The following PDE6D variants were observed in gnomAD, a reference collection of about 807,000 sequenced individuals.
PDE6D encodes the protein retinal rod rhodopsin-sensitive cGMP 3',5'-cyclic phosphodiesterase subunit delta.
Under a neutral mutation model 21.9 loss-of-function variants are expected in PDE6D, and 10 were observed. The ratio of observed to expected loss-of-function variants is 0.46; its 90% CI spans 0.28 to 0.78. PDE6D has a LOEUF of 0.78. Among genes scored for constraint, PDE6D ranks in the 30% least tolerant of loss-of-function variants. The probability of loss-of-function intolerance (pLI) is 0.12; values close to 1 mark genes in which losing one functional copy is unlikely to be tolerated. For missense variants in PDE6D, 139 were observed against 184.8 expected (o/e 0.75, Z 1.44); for synonymous variants, 59 against 63.5 (o/e 0.93, Z 0.34).
chr2:231,768,425 C>T (rs1201554473), intron 1 of PDE6D, among the ~76,000 whole-genome samples: 1 of 151,948 alleles, frequency 6.6e-6, no homozygotes, highest in Non-Finnish European at 1.5e-5. Context: ...GAGTCTCCCT[C>T]TGTCGTACAT....
chr2:231,739,315 C>T lies in PDE6D; in HGVS notation c.51-127G>A. ...AAAAAGTTTGTCAAACTGCTCATTG[C>T]CATGGAAGCACATAAGAATGTGAGG... is the stretch of plus-strand genomic sequence containing the variant. On this transcript the variant is annotated intron_variant, in intron 1 of 4. Coordinates refer to ENST00000287600, the MANE Select transcript of PDE6D (RefSeq NM_002601.4). The surrounding 1 kb of genome is among the most constrained non-coding windows in gnomAD (Gnocchi z 4.2). 1 of 757,254 alleles carries T rather than the reference C, an allele frequency of 1.3e-6. No homozygotes were observed. The highest frequency in any genetic ancestry group is 2.4e-6 in the Non-Finnish European group (1 of 411,972). 46.9% of individuals were successfully genotyped at this position (757,254 alleles called of 1,614,324 possible).
At chr2:231,781,042 C>T in intron 1 of PDE6D, 23 bp downstream of exon 1, 1 of 1,608,084 alleles carries the variant, frequency 6.2e-7, no homozygotes, top group Non-Finnish European at 8.5e-7. Flanking sequence ...CCTCCCGGCC[C>T]CGCCCCGCTC....
At chr2:231,745,637 G>C (rs1192792742) in intron 1 of PDE6D, among the ~76,000 whole-genome samples, 1 of 148,720 alleles carries the variant, frequency 6.7e-6, no homozygotes, top group African/African-American at 2.6e-5. Flanking sequence ...ACTTTCGTAT[G>C]TAAAATAAGA....
chr2:231,738,892 C>A (rs2048724736), intron 2 of PDE6D, among the ~76,000 whole-genome samples: 1 of 142,470 alleles, frequency 7.0e-6, no homozygotes, highest in Admixed American at 7.4e-5. Flanking sequence ...TTCCATCCAG[C>A]CTGGGTGATA....
In PDE6D at chr2:231,777,339, A is replaced by AT. The variant is rs1273111032; in HGVS notation, c.50+3725dup. On this transcript the variant is annotated intron_variant, in intron 1 of 4. Transcript: ENST00000287600. ...ATTCACTTTTATGCAGTATCTTTAA[A>AT]TTTTTTTTTTTTAGAGTTGGGGGTC... is the stretch of plus-strand genomic sequence containing the variant. Among the ~76,000 whole-genome samples, 160 of 147,738 alleles carry AT rather than the reference A, an allele frequency of 1.1e-3. 1 individual carries two copies. Among genetic ancestry groups the AT allele is most frequent in the Middle Eastern group, 3.5e-3 (1 of 288 alleles).
chr2:231,764,778 G>T (rs148797271), intron 1 of PDE6D, among the ~76,000 whole-genome samples: 1 of 152,306 alleles, frequency 6.6e-6, no homozygotes, highest in Admixed American at 6.5e-5. Context: ...AGAGTACCAT[G>T]AATATATTAG....
intron 1 of PDE6D, among the ~76,000 whole-genome samples, chr2:231,757,291 T>A (rs865706): frequency 0.43 from 65,883 of 151,690 alleles, 16,830 homozygotes; most frequent in African/African-American, 0.72. Flanking sequence ...AAGTTTCAAG[T>A]ATTAAACGAT....
intron 1 of PDE6D, among the ~76,000 whole-genome samples, chr2:231,756,547 C>T (rs549740975): frequency 2.0e-5 from 3 of 151,974 alleles, no homozygotes; most frequent in Non-Finnish European, 4.4e-5. Flanking sequence ...AGCAATTCTT[C>T]CCACCTCAGC....
rs905160579 is a variant in PDE6D, at chr2:231,737,941, T to A, written c.265+72A>T. 28 of 1,421,174 alleles carry A rather than the reference T, an allele frequency of 2.0e-5. No homozygotes were observed. The Admixed American group carries it at 5.8e-4, about 30-fold the overall frequency. The allele number at this position is 1,421,174 out of a possible 1,614,324, so 88.0% of individuals were successfully genotyped here. ...GAATGTTATCAAAGCACTGCTTTAGTTCACTGGGTATTGTTGCCTTTTGTC... is the reference window on the plus strand; with the variant it reads ...GAATGTTATCAAAGCACTGCTTTAGATCACTGGGTATTGTTGCCTTTTGTC... On this transcript the variant is annotated intron_variant, in intron 3 of 4. Coordinates refer to ENST00000287600, the MANE Select transcript of PDE6D (RefSeq NM_002601.4).
At position 231,739,062 on chromosome 2, in the gene PDE6D, T is replaced by C. The variant is rs375210092; in HGVS notation, c.139+38A>G. On this transcript the variant is annotated intron_variant, in intron 2 of 4. Transcript: ENST00000287600. The surrounding 1 kb of genome is among the most constrained non-coding windows in gnomAD (Gnocchi z 4.2). The stretch of plus-strand genomic sequence containing the variant: ...TTATGCTCAGGTGCTAGTCTGGCAT[T>C]GGTCACAGCCCTGTGTAGATAAAGG... 10 of 1,349,400 alleles carry C rather than the reference T, an allele frequency of 7.4e-6. No individual in the cohort carries two copies. The highest frequency in any genetic ancestry group is 1.2e-5 in the South Asian group (1 of 84,866). 83.6% of individuals were successfully genotyped at this position (1,349,400 alleles called of 1,614,324 possible).
intron 4 of PDE6D, among the ~76,000 whole-genome samples, chr2:231,736,841 T>C (rs1476085185): frequency 6.6e-6 from 1 of 152,210 alleles, no homozygotes; most frequent in Non-Finnish European, 1.5e-5. Context: ...TACACCTCTG[T>C]AAGACAGAAT....
At chr2:231,758,482 T>G (rs1426406476) in intron 1 of PDE6D, among the ~76,000 whole-genome samples, 1 of 152,156 alleles carries the variant, frequency 6.6e-6, no homozygotes, top group African/African-American at 2.4e-5. Flanking sequence ...TAGGGCAAAT[T>G]ATAAGAATCA....
Position 231,756,091 on chromosome 2 carries a change from C to T in PDE6D, c.51-16903G>A, listed in dbSNP as rs1242432417. Reference sequence around the variant, plus strand: ...CACTGTGCATCTTTATAAAAGTTCCCTAATTACAGAACATTTCTCTTTTCT... The same window carrying T: ...CACTGTGCATCTTTATAAAAGTTCCTTAATTACAGAACATTTCTCTTTTCT... On this transcript the variant is annotated intron_variant, in intron 1 of 4. Coordinates refer to ENST00000287600, the MANE Select transcript of PDE6D (RefSeq NM_002601.4). Among the ~76,000 whole-genome samples, 4 of 151,972 alleles carry T rather than the reference C, an allele frequency of 2.6e-5. No homozygotes were observed. The East Asian group carries it at 7.7e-4, about 29-fold the overall frequency.
At chr2:231,746,443 C>T (rs529881111) in intron 1 of PDE6D, among the ~76,000 whole-genome samples, 45 of 152,198 alleles carry the variant, frequency 3.0e-4, no homozygotes, top group Middle Eastern at 3.4e-3. Flanking sequence ...GTGCCTGGCC[C>T]GTTGGTGTAT....
chr2:231,772,740 T>C (rs755706905), intron 1 of PDE6D, among the ~76,000 whole-genome samples: 1 of 152,146 alleles, frequency 6.6e-6, no homozygotes, highest in Non-Finnish European at 1.5e-5. Context: ...TAGTCCTTTA[T>C]CAAATGTAGT....
In PDE6D at chr2:231,769,613, CACAA is replaced by C. The variant is rs1173615923; in HGVS notation, c.50+11448_50+11451del. 1.2e-4 allele frequency among the ~76,000 whole-genome samples: 19 copies of C among 152,082 alleles called. No individual in the cohort carries two copies. In the South Asian group the frequency reaches 3.9e-3, roughly 32 times the overall value. On this transcript the variant is annotated intron_variant, in intron 1 of 4. Coordinates refer to ENST00000287600, the MANE Select transcript of PDE6D (RefSeq NM_002601.4). ...ATACACACACATGCACACAGACACACACAAACACACAGTTTCTAGAGATGGGGTC... is the reference window on the plus strand; with the variant it reads ...ATACACACACATGCACACAGACACACACACACAGTTTCTAGAGATGGGGTC...
At chr2:231,740,999 G>A (rs2048744368) in intron 1 of PDE6D, among the ~76,000 whole-genome samples, 1 of 150,318 alleles carries the variant, frequency 6.7e-6, no homozygotes, top group Admixed American at 6.7e-5. Flanking sequence ...TTAGCCAGAC[G>A]TGGTGGTGCC....
intron 4 of PDE6D, among the ~76,000 whole-genome samples, chr2:231,733,881 C>T (rs2048671626): frequency 2.6e-5 from 4 of 152,078 alleles, no homozygotes; most frequent in Admixed American, 2.6e-4. Flanking sequence ...CCAAATCACA[C>T]TTGAGCTGAG....
At chr2:231,765,765 C>T (rs991590264) in intron 1 of PDE6D, among the ~76,000 whole-genome samples, 1 of 152,128 alleles carries the variant, frequency 6.6e-6, no homozygotes, top group Admixed American at 6.6e-5. Context: ...GGCTGTCTGT[C>T]TTTACTCTGT....
Sources: gnomAD v4.1 joint callset for allele counts (sites outside exome capture counted in the v4.1 genomes callset) on GRCh38, gnomAD v4.1.1 for gene constraint, Gnocchi (gnomAD v3.1) non-coding constraint, MANE v1.5 for transcripts, NCBI Gene and HGNC (gene_info 2026-07-23, HGNC 2026-07-21) for gene names.